EPHA3: variants seen among roughly 807,000 people sequenced by gnomAD.
EPHA3 encodes the protein ephrin type-A receptor 3.
In EPHA3, 42 loss-of-function variants were observed where a neutral mutation model predicts 107.1. That is an observed-to-expected ratio of 0.39 (90% CI 0.31 to 0.51). The LOEUF is 0.51. Ranked by LOEUF, EPHA3 falls within the 20% of genes least tolerant of loss-of-function variation. The pLI, the probability that EPHA3 is intolerant of heterozygous loss-of-function variation, is 0.78. For synonymous variants in EPHA3, 461 were observed against 424.8 expected, an observed-to-expected ratio of 1.09 and a Z score of -1.05; for missense variants, 1,183 against 1,211.2, an observed-to-expected ratio of 0.98 and a Z score of 0.35.
intron 3 of EPHA3, among the ~76,000 whole-genome samples, chr3:89,335,096 C>T (rs1707366487): frequency 6.6e-6 from 1 of 152,124 alleles, no homozygotes; most frequent in Non-Finnish European, 1.5e-5. Context: ...TACTATAAGA[C>T]ACAATAAATG....
At chr3:89,395,214 A>T (rs1708823118) in intron 5 of EPHA3, among the ~76,000 whole-genome samples, 1 of 152,174 alleles carries the variant, frequency 6.6e-6, no homozygotes, top group Non-Finnish European at 1.5e-5. Flanking sequence ...CTCATTAAGT[A>T]TTTTTTTAAG....
chr3:89,395,157 A>G (rs1708821810), intron 5 of EPHA3, among the ~76,000 whole-genome samples: 1 of 152,222 alleles, frequency 6.6e-6, no homozygotes, highest in Non-Finnish European at 1.5e-5. Context: ...ATTTCAAAAC[A>G]TGTCTAGGTA....
intron 3 of EPHA3, among the ~76,000 whole-genome samples, chr3:89,279,684 T>C (rs574288178): frequency 1.3e-5 from 2 of 152,246 alleles, no homozygotes; most frequent in East Asian, 3.9e-4. Context: ...GCAACACTTA[T>C]TTGGTGCAAT....
chr3:89,165,775 G>A (rs150492253), intron 2 of EPHA3, among the ~76,000 whole-genome samples: 3 of 152,240 alleles, frequency 2.0e-5, no homozygotes, highest in East Asian at 3.9e-4. Context: ...GGCTGTTCAG[G>A]CCTTGAATGA....
At chr3:89,159,322 C>A (rs1704871111) in intron 2 of EPHA3, among the ~76,000 whole-genome samples, 2 of 152,036 alleles carry the variant, frequency 1.3e-5, no homozygotes, top group Non-Finnish European at 2.9e-5. Context: ...CTGATTTAGT[C>A]AGAAAATAAA....
At chr3:89,401,488 A>G (rs1708961847) in intron 7 of EPHA3, among the ~76,000 whole-genome samples, 1 of 152,252 alleles carries the variant, frequency 6.6e-6, no homozygotes, top group African/African-American at 2.4e-5. Flanking sequence ...AAAACTTTAG[A>G]TGGCTCAATA....
At chr3:89,236,841 C>T (rs759387568) in intron 3 of EPHA3, among the ~76,000 whole-genome samples, 6 of 151,850 alleles carry the variant, frequency 4.0e-5, no homozygotes, top group African/African-American at 7.3e-5. Context: ...ACCATGTAAA[C>T]GTGACTTAGA....
intron 2 of EPHA3, among the ~76,000 whole-genome samples, chr3:89,191,228 C>G (rs1340730864): frequency 6.6e-6 from 1 of 152,026 alleles, no homozygotes; most frequent in African/African-American, 2.4e-5. Context: ...AATGCACTCT[C>G]CAGCTTACCA....
intron 5 of EPHA3, among the ~76,000 whole-genome samples, chr3:89,386,545 C>T (rs1265510830): frequency 6.6e-6 from 1 of 152,224 alleles, no homozygotes; most frequent in South Asian, 2.1e-4. Context: ...GATGTCCAGT[C>T]AGAAGTTTGC....
Position 89,395,979 on chromosome 3 carries a change from A to G in EPHA3, c.1431+18A>G. 6.2e-7 allele frequency: 1 copy of G among 1,613,224 alleles called. No homozygotes were observed. The highest frequency in any genetic ancestry group is 8.5e-7 in the Non-Finnish European group (1 of 1,179,528). ...ATGAAAAGGTGGGGAAACAATGTTT[A>G]AGGGTTGGGCTGTGTAGGCAAGAAG... On this transcript the variant is annotated intron_variant, in intron 6 of 16. Transcript: ENST00000336596.
At chr3:89,130,784 G>A (rs1191548512) in intron 2 of EPHA3, among the ~76,000 whole-genome samples, 4 of 152,020 alleles carry the variant, frequency 2.6e-5, no homozygotes, top group Admixed American at 6.6e-5. Context: ...ACAGGCGCCC[G>A]CCACCACGCT....
At chr3:89,434,654 CAG>C (rs1709632819) in intron 13 of EPHA3, among the ~76,000 whole-genome samples, 1 of 152,182 alleles carries the variant, frequency 6.6e-6, no homozygotes, top group African/African-American at 2.4e-5. Context: ...CTGGAGAACA[CAG>C]GGGGTTAACT....
At chr3:89,209,788 C>G in intron 2 of EPHA3, 72 bp from the exon 3 acceptor site, 1 of 1,297,934 alleles carries the variant, frequency 7.7e-7, no homozygotes. Context: ...AGAGATGGCT[C>G]TGACACCCTT....
At chr3:89,430,235 A>C (rs1220152687) in intron 12 of EPHA3, among the ~76,000 whole-genome samples, 2 of 152,174 alleles carry the variant, frequency 1.3e-5, no homozygotes, top group Admixed American at 1.3e-4. Context: ...TTTTGTTGCT[A>C]TATAAATTGA....
rs770851201 is a variant in EPHA3 at position 89,210,245 on chromosome 3, A to T, written c.539A>T (p.Tyr180Phe). Residue 180 changes from tyrosine (Y) to phenylalanine (F), a missense_variant, in exon 3 of 17, where the codon TAT (tyrosine) becomes TTT (phenylalanine). Transcript: ENST00000336596. Reference sequence around the variant, plus strand: ...GGTCCTGTCAACAAGAAGGGATTTTATTTGGCATTTCAAGATGTTGGTGCT... The same window carrying T: ...GGTCCTGTCAACAAGAAGGGATTTTTTTTGGCATTTCAAGATGTTGGTGCT... ...EVGPVNKKGF[Y>F]LAFQDVGACV... 1.9e-5 allele frequency: 31 copies of T among 1,614,010 alleles called. No individual in the cohort carries two copies. Among genetic ancestry groups the T allele is most frequent in the Non-Finnish European group, 4.2e-6 (5 of 1,179,934 alleles).
chr3:89,427,598 A>G (rs1709485348), intron 11 of EPHA3, among the ~76,000 whole-genome samples: 1 of 151,972 alleles, frequency 6.6e-6, no homozygotes, highest in South Asian at 2.1e-4. Context: ...TAACTAAAAT[A>G]GTATAAGAAT....
rs1436229274 is a variant in EPHA3 at position 89,211,735 on chromosome 3, TTCTTCTCC to T, written c.814+1217_814+1224del. Among the ~76,000 whole-genome samples, 90 of 10,242 alleles carry T rather than the reference TTCTTCTCC, an allele frequency of 8.8e-3. 2 individuals are homozygous for T. The highest frequency in any genetic ancestry group is 0.019 in the African/African-American group (82 of 4,380). 6.7% of individuals were successfully genotyped at this position (10,242 alleles called of 152,430 possible). A position where few individuals can be genotyped will look rare whatever the true frequency, so the allele number is the denominator to read the frequency against. On this transcript the variant is annotated intron_variant, in intron 3 of 16. Coordinates refer to ENST00000336596, the MANE Select transcript of EPHA3 (RefSeq NM_005233.6). ...CTTCCTCTTCTTCTTTTTCTTCTTC[TTCTTCTCC>T]TTCTTCTTCTTCTTCTTCTTCTTCT...
chr3:89,372,286 G>C lies in EPHA3; in HGVS notation c.1307-23551G>C, dbSNP rs112539225. Among the ~76,000 whole-genome samples, 675 of 151,676 alleles carry C rather than the reference G, an allele frequency of 4.5e-3. 5 individuals are homozygous for C. Among genetic ancestry groups the C allele is most frequent in the Middle Eastern group, 0.014 (4 of 294 alleles). The stretch of plus-strand genomic sequence containing the variant: ...ACTAGTCATGACCTAGTATTGAAGA[G>C]GCTTCATATACAAATTTAAGGCTTA... On this transcript the variant is annotated intron_variant, in intron 5 of 16. Transcript: ENST00000336596.
In EPHA3 at chr3:89,359,810, TACATATATATAC is replaced by T. The variant is rs1383988834; in HGVS notation, c.1306+17722_1306+17733del. On this transcript the variant is annotated intron_variant, in intron 5 of 16. Coordinates refer to ENST00000336596, the MANE Select transcript of EPHA3 (RefSeq NM_005233.6). The stretch of plus-strand genomic sequence containing the variant: ...ATATATACATATATACACATATATA[TACATATATATAC>T]ATATATATATACATATATATATATG... Among the ~76,000 whole-genome samples, 2 of 140,662 alleles carry T rather than the reference TACATATATATAC, an allele frequency of 1.4e-5. 1 individual carries two copies. Among genetic ancestry groups the T allele is most frequent in the Non-Finnish European group, 3.1e-5 (2 of 65,358 alleles). 92.3% of individuals were successfully genotyped at this position (140,662 alleles called of 152,430 possible). A position where few individuals can be genotyped will look rare whatever the true frequency, so the allele number is the denominator to read the frequency against.
Sources: allele counts gnomAD v4.1 joint callset (sites outside exome capture counted in the v4.1 genomes callset), GRCh38; gene constraint gnomAD v4.1.1; transcripts MANE v1.5; gene names NCBI Gene and HGNC (gene_info 2026-07-23, HGNC 2026-07-21).